HCN1: variants seen among roughly 807,000 people sequenced by gnomAD.
The protein encoded by HCN1 is hyperpolarization activated cyclic nucleotide gated potassium channel 1.
A neutral mutation model predicts 78.9 loss-of-function variants in HCN1; 13 were observed. The ratio of observed to expected loss-of-function variants is 0.16; its 90% confidence interval spans 0.11 to 0.26. HCN1 has a LOEUF of 0.26. HCN1 is among the 10% of genes least tolerant of loss of function. The pLI, the probability that HCN1 is intolerant of heterozygous loss-of-function variation, is 1.00. For missense variants in HCN1, 810 were observed against 1,154.3 expected, an observed-to-expected ratio of 0.70 and a Z score of 4.32; for synonymous variants, 552 against 455.5, an observed-to-expected ratio of 1.21 and a Z score of -2.70.
chr5:45,386,437 C>T (rs1258330807), intron 4 of HCN1, among the ~76,000 whole-genome samples: 1 of 152,110 alleles, frequency 6.6e-6, no homozygotes, highest in Middle Eastern at 3.2e-3. Flanking sequence ...CCTTGAACTC[C>T]CAAAGTGCAG....
intron 4 of HCN1, among the ~76,000 whole-genome samples, chr5:45,372,627 A>G (rs997913191): frequency 2.5e-5 from 3 of 119,874 alleles, no homozygotes; most frequent in Admixed American, 8.8e-5. Context: ...ATAAAAATAT[A>G]TAAAACATTT....
intron 6 of HCN1, among the ~76,000 whole-genome samples, chr5:45,299,041 C>A (rs1333136506): frequency 6.6e-6 from 1 of 151,958 alleles, no homozygotes; most frequent in African/African-American, 2.4e-5. Flanking sequence ...CTACAAGATA[C>A]CTTAACCAGT....
intron 4 of HCN1, among the ~76,000 whole-genome samples, chr5:45,394,545 CAT>C: frequency 6.6e-6 from 1 of 152,102 alleles, no homozygotes; most frequent in African/African-American, 2.4e-5. Context: ...TAAAAAGTAA[CAT>C]AATGTCCTTA....
At chr5:45,304,348 T>C (rs1745686640) in intron 5 of HCN1, among the ~76,000 whole-genome samples, 1 of 151,746 alleles carries the variant, frequency 6.6e-6, no homozygotes, top group African/African-American at 2.4e-5. Flanking sequence ...CAATGGATAG[T>C]ACAGAAAAAG....
intron 5 of HCN1, among the ~76,000 whole-genome samples, chr5:45,337,235 T>G (rs1357325238): frequency 2.0e-5 from 3 of 151,026 alleles, no homozygotes; most frequent in Non-Finnish European, 4.5e-5. Context: ...AGTATTTTTC[T>G]TCTTAAAGTT....
intron 4 of HCN1, among the ~76,000 whole-genome samples, chr5:45,375,154 T>C (rs1165040346): frequency 3.0e-4 from 37 of 121,726 alleles, no homozygotes; most frequent in Non-Finnish European, 4.2e-4. Flanking sequence ...TATAATGTAT[T>C]ATATATAATA....
At chr5:45,353,487 G>A (rs1347091258) in intron 4 of HCN1, among the ~76,000 whole-genome samples, 1 of 151,940 alleles carries the variant, frequency 6.6e-6, no homozygotes, top group Admixed American at 6.6e-5. Context: ...GTGGAGAGGA[G>A]GCATGAAGGG....
chr5:45,592,599 C>T (rs1452926584), intron 2 of HCN1, among the ~76,000 whole-genome samples: 2 of 152,024 alleles, frequency 1.3e-5, no homozygotes, highest in East Asian at 3.9e-4. Context: ...AAGAATCTTT[C>T]TTTTCCTTGA....
intron 6 of HCN1, among the ~76,000 whole-genome samples, chr5:45,288,876 G>A (rs879413069): frequency 6.6e-6 from 1 of 151,910 alleles, no homozygotes; most frequent in African/African-American, 2.4e-5. Flanking sequence ...ATTAGCACAG[G>A]GGGAAGGCCA....
rs1744725113 is a variant in HCN1, at chr5:45,260,878, T to G, written c.*1043A>C. On this transcript the variant is annotated 3_prime_UTR_variant, in exon 8 of 8. Transcript: ENST00000303230. The stretch of plus-strand genomic sequence containing the variant: ...ACTGTAAGCCTTTCTCTACAATGAC[T>G]GATTTGAACCTATTTTTTTTTCCCC... 1 of 152,610 alleles carries G rather than the reference T, an allele frequency of 6.6e-6. No homozygotes were observed. The highest frequency in any genetic ancestry group is 2.4e-5 in the African/African-American group (1 of 41,442). The allele number at this position is 152,610 out of a possible 1,614,324, so 9.5% of individuals were successfully genotyped here.
intron 1 of HCN1, among the ~76,000 whole-genome samples, chr5:45,682,794 G>A (rs146508370): frequency 1.7e-3 from 261 of 152,036 alleles, no homozygotes; most frequent in African/African-American, 5.6e-3. Context: ...ATGAGAAATA[G>A]ATGATAACCT....
intron 3 of HCN1, among the ~76,000 whole-genome samples, chr5:45,409,106 GGAAA>G (rs1167504739): frequency 2.0e-5 from 3 of 151,894 alleles, no homozygotes; most frequent in Admixed American, 6.6e-5. Context: ...GGTACAATGT[GGAAA>G]GAATTTGGAC....
At chr5:45,592,900 G>T (rs1459975853) in intron 2 of HCN1, among the ~76,000 whole-genome samples, 1 of 152,160 alleles carries the variant, frequency 6.6e-6, no homozygotes, top group Non-Finnish European at 1.5e-5. Context: ...CTTAGGAAAT[G>T]TGAGAAAATA....
At chr5:45,617,908 TC>T (rs1439476148) in intron 2 of HCN1, among the ~76,000 whole-genome samples, 2 of 152,100 alleles carry the variant, frequency 1.3e-5, no homozygotes, top group Non-Finnish European at 2.9e-5. Context: ...CCCAACCTGT[TC>T]CAGAGTCTAC....
At chr5:45,644,443 A>T (rs553243064) in intron 2 of HCN1, 1 of 152,310 alleles carries the variant, frequency 6.6e-6, no homozygotes, top group East Asian at 1.9e-4. Context: ...TGGAAACTCC[A>T]GTTGGCTGAG....
At chr5:45,609,134 C>T (rs1744782931) in intron 2 of HCN1, among the ~76,000 whole-genome samples, 1 of 151,790 alleles carries the variant, frequency 6.6e-6, no homozygotes, top group Admixed American at 6.6e-5. Context: ...TGGGAGAATA[C>T]TGTATCGATT....
At chr5:45,625,266 G>A (rs1745141023) in intron 2 of HCN1, among the ~76,000 whole-genome samples, 1 of 152,016 alleles carries the variant, frequency 6.6e-6, no homozygotes, top group Admixed American at 6.6e-5. Flanking sequence ...CCATGCCATT[G>A]CACTCCAGCC....
At chr5:45,334,397 C>G (rs1432268032) in intron 5 of HCN1, among the ~76,000 whole-genome samples, 4 of 151,762 alleles carry the variant, frequency 2.6e-5, no homozygotes, top group Admixed American at 6.6e-5. Flanking sequence ...ACTTTTCAGT[C>G]TATTCCAGGC....
At chr5:45,372,232 A>G (rs1331398085) in intron 4 of HCN1, among the ~76,000 whole-genome samples, 3 of 75,048 alleles carry the variant, frequency 4.0e-5, no homozygotes, top group Non-Finnish European at 6.6e-5. Flanking sequence ...TATATAATAT[A>G]TATTATATTT....
Sources: gnomAD v4.1 joint callset for allele counts (sites outside exome capture counted in the v4.1 genomes callset) on GRCh38, gnomAD v4.1.1 for gene constraint, MANE v1.5 for transcripts, NCBI Gene and HGNC (gene_info 2026-07-23, HGNC 2026-07-21) for gene names.